The following CFAP96 variants were observed in gnomAD, a reference collection of about 807,000 sequenced individuals.
The protein encoded by CFAP96 is cilia and flagella associated protein 96, also known as cilia-and flagella-associated protein 96.
the CFAP96 span, among the ~76,000 whole-genome samples, chr4:185,429,705 G>A: frequency 6.9e-3 from 1,056 of 152,274 alleles, 88 homozygotes; most frequent in East Asian, 0.18. Flanking sequence ...CAGGATCTTT[G>A]TTACCCAGGC....
the CFAP96 span, among the ~76,000 whole-genome samples, chr4:185,443,342 ATTTTTTTT>A: frequency 1.5e-4 from 4 of 26,732 alleles, no homozygotes; most frequent in Admixed American, 1.6e-3. Context: ...ATATATATAT[ATTTTTTTT>A]TTTTTTTTTT....
At chr4:185,437,011 C>T in the CFAP96 span, among the ~76,000 whole-genome samples, 2 of 152,116 alleles carry the variant, frequency 1.3e-5, no homozygotes, top group Admixed American at 1.3e-4. Context: ...ATATCCTGAC[C>T]CTTAGCCATA....
chr4:185,433,302 G>A, the CFAP96 span, among the ~76,000 whole-genome samples: 1 of 151,576 alleles, frequency 6.6e-6, no homozygotes, highest in Non-Finnish European at 1.5e-5. Context: ...GGCTGAGGCA[G>A]GAGAATCTCG....
chr4:185,445,429 G>A, the CFAP96 span: 1 of 1,051,230 alleles, frequency 9.5e-7, no homozygotes, highest in Non-Finnish European at 1.4e-6. Context: ...AGTTAGATAT[G>A]CATAGTTCAG....
the CFAP96 span, chr4:185,429,181 C>A: frequency 0.062 from 22,142 of 358,544 alleles, 832 homozygotes; most frequent in South Asian, 0.11. Context: ...TATTCTCCCC[C>A]ACCCCGCAGA....
At chr4:185,425,688 T>TC in the CFAP96 span, among the ~76,000 whole-genome samples, 2 of 152,080 alleles carry the variant, frequency 1.3e-5, no homozygotes, top group Admixed American at 1.3e-4. Context: ...TAGGGCACTT[T>TC]CCCCCCGGCC....
chr4:185,435,868 A>C, the CFAP96 span, among the ~76,000 whole-genome samples: 19 of 52,064 alleles, frequency 3.6e-4, no homozygotes, highest in African/African-American at 7.9e-4. Context: ...TAATAATAAA[A>C]ATATTAAAAA....
At chr4:185,446,356 T>G in the CFAP96 span, among the ~76,000 whole-genome samples, 1 of 152,220 alleles carries the variant, frequency 6.6e-6, no homozygotes, top group Admixed American at 6.5e-5. Flanking sequence ...CTTAAAACTT[T>G]GATAATTTGG....
the CFAP96 span, among the ~76,000 whole-genome samples, chr4:185,414,589 G>A: frequency 4.6e-5 from 7 of 152,036 alleles, no homozygotes; most frequent in South Asian, 2.1e-4. Flanking sequence ...GATGCTCCAC[G>A]GTCTAATTTG....
the CFAP96 span, among the ~76,000 whole-genome samples, chr4:185,435,043 G>A: frequency 6.6e-6 from 1 of 152,048 alleles, no homozygotes; most frequent in Non-Finnish European, 1.5e-5. Flanking sequence ...ACCCACCCCC[G>A]GAACCGTAGG....
At chr4:185,413,785 C>G in the CFAP96 span, 15 of 1,613,428 alleles carry the variant, frequency 9.3e-6, no homozygotes, top group African/African-American at 5.3e-5. Context: ...ATGTAACCAT[C>G]TTTGTATGGC....
the CFAP96 span, among the ~76,000 whole-genome samples, chr4:185,420,002 A>G: frequency 6.6e-6 from 1 of 152,358 alleles, no homozygotes; most frequent in African/African-American, 2.4e-5. Flanking sequence ...TGTTTTCAGC[A>G]GCCGCACCAT....
chr4:185,444,114 C>T, the CFAP96 span, among the ~76,000 whole-genome samples: 22 of 148,820 alleles, frequency 1.5e-4, no homozygotes, highest in African/African-American at 2.0e-4. Flanking sequence ...CCACCGCGCC[C>T]GGCTAATTTT....
the CFAP96 span, chr4:185,408,521 T>C: frequency 5.1e-6 from 7 of 1,359,962 alleles, no homozygotes. Flanking sequence ...TGTTTAATGT[T>C]CTTAGAGTTA....
the CFAP96 span, chr4:185,436,178 A>G: frequency 1.3e-4 from 198 of 1,549,318 alleles, no homozygotes; most frequent in African/African-American, 2.3e-3. Flanking sequence ...AAGGAACTGG[A>G]TATGGGTAAG....
chr4:185,420,337 A>C, the CFAP96 span, among the ~76,000 whole-genome samples: 1 of 152,200 alleles, frequency 6.6e-6, no homozygotes, highest in African/African-American at 2.4e-5. Flanking sequence ...GACACATTCA[A>C]TTTGGAAACA....
chr4:185,414,756 G>A, the CFAP96 span, among the ~76,000 whole-genome samples: 3 of 152,202 alleles, frequency 2.0e-5, no homozygotes, highest in Admixed American at 6.5e-5. Context: ...ATCCTATTCA[G>A]AATTAGCATA....
At chr4:185,432,873 A>AAAT in the CFAP96 span, among the ~76,000 whole-genome samples, 1 of 150,234 alleles carries the variant, frequency 6.7e-6, no homozygotes, top group Non-Finnish European at 1.5e-5. Flanking sequence ...AAAAAAAAAA[A>AAAT]TGTGGAATTA....
chr4:185,433,472 T>C, the CFAP96 span, among the ~76,000 whole-genome samples: 1 of 152,088 alleles, frequency 6.6e-6, no homozygotes, highest in African/African-American at 2.4e-5. Context: ...TTTATTAATT[T>C]GATAGATGAT....
Sources: allele counts gnomAD v4.1 joint callset (sites outside exome capture counted in the v4.1 genomes callset), GRCh38; gene constraint gnomAD v4.1.1; transcripts MANE v1.5; gene names NCBI Gene and HGNC (gene_info 2026-07-23, HGNC 2026-07-21).